PIK3R2: variants seen among roughly 807,000 people sequenced by gnomAD.
The protein encoded by PIK3R2 is phosphatidylinositol 3-kinase regulatory subunit beta.
In PIK3R2, 40 loss-of-function variants were observed where a neutral mutation model predicts 78.5. The observed-to-expected ratio is 0.51, with a 90% CI of 0.40 to 0.66. PIK3R2 has a LOEUF of 0.66. Ranked by LOEUF, PIK3R2 falls within the 30% of genes least tolerant of loss-of-function variation. The probability of loss-of-function intolerance (pLI) is 0.00; values close to 1 mark genes in which losing one functional copy is unlikely to be tolerated. For synonymous variants in PIK3R2, 473 were observed against 457.7 expected, an observed-to-expected ratio of 1.03 and a Z score of -0.43; for missense variants, 880 against 1,026.6, an observed-to-expected ratio of 0.86 and a Z score of 1.95.
rs998104308 is a variant in PIK3R2 at position 18,169,465 on chromosome 19, C to T, written c.*171C>T. On this transcript the variant is annotated 3_prime_UTR_variant, in exon 16 of 16. Coordinates refer to ENST00000222254, the MANE Select transcript of PIK3R2 (RefSeq NM_005027.4). ...TTTCTCTTTCCTTCCCTCCCCCATT[C>T]TCCAGATCTCCCTCTGTCTCCTTTT... 1.7e-5 allele frequency: 6 copies of T among 362,336 alleles called. No homozygotes were observed. In the South Asian group the frequency reaches 4.5e-4, roughly 27 times the overall value. The allele number at this position is 362,336 out of a possible 1,614,324, so 22.4% of individuals were successfully genotyped here.
Position 18,162,239 on chromosome 19 carries a change from C to A in PIK3R2, c.939C>A (p.Ser313=), listed in dbSNP as rs757736373. Residue 313 remains serine, a synonymous_variant, in exon 8 of 16, where the codon TCC becomes TCA. Transcript: ENST00000222254. ...PPKPPKAKPA[S]TVLANGGSPP... Reference sequence around the variant, plus strand: ...AACCCCCCAAGGCAAAGCCGGCCTCCACAGTCCTGGCCAATGGAGGGAGCC... The same window carrying A: ...AACCCCCCAAGGCAAAGCCGGCCTCAACAGTCCTGGCCAATGGAGGGAGCC... 1 of 1,608,024 alleles carries A rather than the reference C, an allele frequency of 6.2e-7. No homozygotes were observed. The highest frequency in any genetic ancestry group is 2.2e-5 in the East Asian group (1 of 44,806).
rs151227906 is a variant in PIK3R2, at chr19:18,170,201, C to T, written c.*907C>T. The T allele has an allele frequency of 2.0e-5, 3 of 153,348 alleles. No homozygotes were observed. Among genetic ancestry groups the T allele is most frequent in the Non-Finnish European group, 4.4e-5 (3 of 68,662 alleles). 9.5% of individuals were successfully genotyped at this position (153,348 alleles called of 1,614,324 possible). The stretch of plus-strand genomic sequence containing the variant: ...CCAGCCTGGGTAACAGAGGGAGACT[C>T]CTCCGTCTCAAAAAAATAAATAAAT... On this transcript the variant is annotated 3_prime_UTR_variant, in exon 16 of 16. Coordinates refer to ENST00000222254, the MANE Select transcript of PIK3R2 (RefSeq NM_005027.4).
chr19:18,154,342 T>G (rs979120043), intron 1 of PIK3R2, among the ~76,000 whole-genome samples: 2 of 151,982 alleles, frequency 1.3e-5, no homozygotes, highest in Admixed American at 1.3e-4. Context: ...TACCCCCACC[T>G]TCTCCTGGCT....
Position 18,160,920 on chromosome 19 carries a change from G to A in PIK3R2, c.417G>A (p.Gly139=), listed in dbSNP as rs1292832554. 6.2e-7 allele frequency: 1 copy of A among 1,608,520 alleles called. No individual in the cohort carries two copies. Among genetic ancestry groups the A allele is most frequent in the Non-Finnish European group, 8.5e-7 (1 of 1,178,040 alleles). Reference sequence around the variant, plus strand: ...CTCGCCTGTCCCCTTCACCCCCAGGGCTGGACAGCGAATCTCACTACCGCC... The same window carrying A: ...CTCGCCTGTCCCCTTCACCCCCAGGACTGGACAGCGAATCTCACTACCGCC... ...VKLVEAIERT[G]LDSESHYRPE... Residue 139 remains glycine, a splice_region_variant and synonymous_variant, in exon 4 of 16, where the codon GGG becomes GGA. Transcript: ENST00000222254.
At chr19:18,164,012 A>G (rs541647025) in intron 11 of PIK3R2, among the ~76,000 whole-genome samples, 74 of 151,550 alleles carry the variant, frequency 4.9e-4, no homozygotes, top group Non-Finnish European at 9.7e-4. Context: ...CTGTAATCCC[A>G]GCTACTCAGA....
Position 18,155,913 on chromosome 19 carries a change from CTG to C in PIK3R2, c.36_37del (p.Tyr13ProfsTer56). Reference sequence around the variant, plus strand: ...CCCTGAGGGCTTCCAGTACCGCGCTCTGTACCCGTTCCGCCGGGAGCGGCCGG... The same window carrying C: ...CCCTGAGGGCTTCCAGTACCGCGCTCTACCCGTTCCGCCGGGAGCGGCCGG... ...AGPEGFQYRA[L>X]YPFRRERPED... On this transcript the variant is annotated frameshift_variant, in exon 2 of 16. Coordinates refer to ENST00000222254, the MANE Select transcript of PIK3R2 (RefSeq NM_005027.4). LOFTEE classifies it high-confidence loss of function. 6.4e-7 allele frequency: 1 copy of C among 1,564,974 alleles called. No homozygotes were observed. Among genetic ancestry groups the C allele is most frequent in the East Asian group, 2.4e-5 (1 of 41,978 alleles).
At position 18,168,954 on chromosome 19, in the gene PIK3R2, C is replaced by T. The variant is rs557583400; in HGVS notation, c.1979+58C>T. On this transcript the variant is annotated intron_variant, in intron 15 of 15. Transcript: ENST00000222254. This position sits in a 1 kb window ranked among gnomAD's most constrained non-coding sequence, Gnocchi z 4.1. ...TCCCTCCCAGAGCTCTCATTGAATG[C>T]CTGCCGCGTGCCAGGCCTTGGGAAG... is the stretch of plus-strand genomic sequence containing the variant. The T allele has an allele frequency of 6.4e-6, 10 of 1,570,816 alleles. No individual in the cohort carries two copies. Among genetic ancestry groups the T allele is most frequent in the Middle Eastern group, 1.7e-4 (1 of 5,976 alleles).
At position 18,163,248 on chromosome 19, in the gene PIK3R2, G is replaced by A. The variant is rs767807584; in HGVS notation, c.1291-15G>A. 5.6e-6 allele frequency: 9 copies of A among 1,614,046 alleles called. No homozygotes were observed. Among genetic ancestry groups the A allele is most frequent in the Non-Finnish European group, 6.8e-6 (8 of 1,180,006 alleles). On this transcript the variant is annotated splice_polypyrimidine_tract_variant and intron_variant, in intron 10 of 15. Coordinates refer to ENST00000222254, the MANE Select transcript of PIK3R2 (RefSeq NM_005027.4). Reference sequence around the variant, plus strand: ...CAGGCTATGCATCTCCCCTCATTCCGCCACGTATCTCCAGGACCAGATTGT... The same window carrying A: ...CAGGCTATGCATCTCCCCTCATTCCACCACGTATCTCCAGGACCAGATTGT...
rs150898051 is a variant in PIK3R2, at chr19:18,167,699, A to C, written c.1736+393A>C. Among the ~76,000 whole-genome samples, 1,390 of 152,128 alleles carry C rather than the reference A, an allele frequency of 9.1e-3. 14 individuals carry two copies. The highest frequency in any genetic ancestry group is 0.012 in the Non-Finnish European group (809 of 67,976). ...ATGGTGAAACCCCGTCTCTACTAAA[A>C]ATAAAAAATACAAAACCCGGCCAGG... On this transcript the variant is annotated intron_variant, in intron 13 of 15. Coordinates refer to ENST00000222254, the MANE Select transcript of PIK3R2 (RefSeq NM_005027.4). This position sits in a 1 kb window ranked among gnomAD's most constrained non-coding sequence, Gnocchi z 4.5.
At chr19:18,162,768 T>C in intron 9 of PIK3R2, 199 bp from the exon 10 acceptor site, 1 of 609,074 alleles carries the variant, frequency 1.6e-6, no homozygotes, top group Non-Finnish European at 2.9e-6. Context: ...TGGATGCCTG[T>C]AATCCCAACT....
chr19:18,155,610 C>T lies in PIK3R2; in HGVS notation c.-270C>T, dbSNP rs2043668898. 1.9e-6 allele frequency: 1 copy of T among 520,484 alleles called. No homozygotes were observed. Among genetic ancestry groups the T allele is most frequent in the Admixed American group, 3.8e-5 (1 of 25,994 alleles). 32.2% of individuals were successfully genotyped at this position (520,484 alleles called of 1,614,324 possible). On this transcript the variant is annotated 5_prime_UTR_variant, in exon 2 of 16. Coordinates refer to ENST00000222254, the MANE Select transcript of PIK3R2 (RefSeq NM_005027.4). ...CAGCCTCACCTGCTGATGGAGGACT[C>T]AATGGCCCAGTGACCTGACACCACA...
chr19:18,163,509 G>C, intron 11 of PIK3R2, 121 bp downstream of exon 11: 1 of 1,055,646 alleles, frequency 9.5e-7, no homozygotes, highest in Non-Finnish European at 1.4e-6. Context: ...TCACAGAGCA[G>C]GCACTTAGCA....
intron 10 of PIK3R2, 42 bp downstream of exon 10, chr19:18,163,189 G>A: frequency 6.2e-7 from 1 of 1,613,300 alleles, no homozygotes; most frequent in Non-Finnish European, 8.5e-7. Flanking sequence ...GCACCTGGCT[G>A]GCCCCAGGCC....
intron 2 of PIK3R2, among the ~76,000 whole-genome samples, chr19:18,158,597 A>G (rs1489916947): frequency 2.6e-5 from 4 of 151,964 alleles, no homozygotes; most frequent in African/African-American, 9.7e-5. Context: ...GCGCCACTGC[A>G]CTCCAACCTG....
At position 18,155,781 on chromosome 19, in the gene PIK3R2, C is replaced by A; in HGVS notation, c.-99C>A. 8.7e-7 allele frequency: 1 copy of A among 1,154,316 alleles called. No homozygotes were observed. Among genetic ancestry groups the A allele is most frequent in the Non-Finnish European group, 1.2e-6 (1 of 842,886 alleles). The allele number at this position is 1,154,316 out of a possible 1,614,324, so 71.5% of individuals were successfully genotyped here. A position where few individuals can be genotyped will look rare whatever the true frequency, so the allele number is the denominator to read the frequency against. The stretch of plus-strand genomic sequence containing the variant: ...GAGATAGAGGTCCCAGCACCCCAAG[C>A]CAACCCAGCGGACCCTCCCAGCCCT... On this transcript the variant is annotated 5_prime_UTR_variant, in exon 2 of 16. Transcript: ENST00000222254.
In PIK3R2 at chr19:18,160,562, A is replaced by C. The variant is rs1315213055; in HGVS notation, c.414A>C (p.Thr138=). ...LVKLVEAIER[T]GLDSESHYRP... is the part of the protein sequence containing the mutation. ...AGCTTGTGGAGGCCATTGAAAGGAC[A>C]GGTAAGTTCCAGCCTGGCTGCAGCC... Residue 138 remains threonine (T), a splice_region_variant and synonymous_variant, in exon 3 of 16, where the codon ACA becomes ACC. Coordinates refer to ENST00000222254, the MANE Select transcript of PIK3R2 (RefSeq NM_005027.4). The C allele has an allele frequency of 3.1e-6, 5 of 1,611,204 alleles. No individual in the cohort carries two copies. The East Asian group carries it at 6.7e-5, about 22-fold the overall frequency.
intron 2 of PIK3R2, among the ~76,000 whole-genome samples, chr19:18,159,792 A>T (rs1030093085): frequency 2.6e-5 from 4 of 151,816 alleles, no homozygotes; most frequent in African/African-American, 9.7e-5. Context: ...CCCAGGCTGG[A>T]GTGCAGTGGT....
chr19:18,162,260 G>A lies in PIK3R2; in HGVS notation c.960G>A (p.Gly320=). 3 of 1,611,776 alleles carry A rather than the reference G, an allele frequency of 1.9e-6. No individual in the cohort carries two copies. Among genetic ancestry groups the A allele is most frequent in the Non-Finnish European group, 2.5e-6 (3 of 1,178,270 alleles). Residue 320 remains glycine (G), a synonymous_variant, in exon 8 of 16, where the codon GGG becomes GGA. Coordinates refer to ENST00000222254, the MANE Select transcript of PIK3R2 (RefSeq NM_005027.4). ...KPASTVLANG[G]SPPSLQDAEW... ...CCTCCACAGTCCTGGCCAATGGAGGGAGCCCACCCTCCCTGCAGGATGCTG... is the reference window on the plus strand; with the variant it reads ...CCTCCACAGTCCTGGCCAATGGAGGAAGCCCACCCTCCCTGCAGGATGCTG...
chr19:18,161,011 C>G lies in PIK3R2; in HGVS notation c.466+42C>G. On this transcript the variant is annotated intron_variant, in intron 4 of 15. Transcript: ENST00000222254. This position sits in a 1 kb window ranked among gnomAD's most constrained non-coding sequence, Gnocchi z 5.3. ...ATGGGGTTGGGAGGAGGCTGGGGGC[C>G]CCAGTACACATGAGTTGGACGTGTG... is the stretch of plus-strand genomic sequence containing the variant. The G allele has an allele frequency of 1.9e-6, 3 of 1,612,134 alleles. No homozygotes were observed. Among genetic ancestry groups the G allele is most frequent in the Non-Finnish European group, 2.5e-6 (3 of 1,179,502 alleles).
Sources: gnomAD v4.1 joint callset for allele counts (sites outside exome capture counted in the v4.1 genomes callset) on GRCh38, gnomAD v4.1.1 for gene constraint, Gnocchi (gnomAD v3.1) non-coding constraint, MANE v1.5 for transcripts, NCBI Gene and HGNC (gene_info 2026-07-23, HGNC 2026-07-21) for gene names.